ACSM2A: variants seen among roughly 807,000 people sequenced by gnomAD.
ACSM2A encodes acyl-CoA synthetase medium chain family member 2A.
ACSM2A carries 72 observed loss-of-function variants against 76.6 expected under a neutral mutation model. The observed-to-expected ratio is 0.94, with a 90% CI of 0.78 to 1.14. The LOEUF (loss-of-function observed/expected upper bound fraction) is 1.14, where lower values mean the gene tolerates loss of function less well. Ranked by LOEUF, ACSM2A falls within the 50% of genes most tolerant of loss-of-function variation. The pLI is 0.00. For synonymous variants in ACSM2A, 249 were observed against 255.9 expected (o/e 0.97, Z 0.26); for missense variants, 684 against 708.5 (o/e 0.97, Z 0.39).
chr16:20,467,318 GA>G (rs1159781507), intron 3 of ACSM2A, among the ~76,000 whole-genome samples: 4 of 151,746 alleles, frequency 2.6e-5, no homozygotes, highest in Non-Finnish European at 5.9e-5. Flanking sequence ...TGGTGAATGG[GA>G]AATGATTGAT....
At chr16:20,475,836 C>G in intron 8 of ACSM2A, 63 bp downstream of exon 8, 1 of 1,597,420 alleles carries the variant, frequency 6.3e-7, no homozygotes, top group Non-Finnish European at 8.5e-7. Context: ...TTCTCTTTGA[C>G]AATAAAAATT....
chr16:20,486,003 GC>G (rs1460644106), intron 13 of ACSM2A, among the ~76,000 whole-genome samples: 1 of 152,166 alleles, frequency 6.6e-6, no homozygotes, highest in Non-Finnish European at 1.5e-5. Context: ...TTATAGTTTT[GC>G]TTAGGGTACA....
chr16:20,469,122 A>T (rs10153227), intron 3 of ACSM2A, among the ~76,000 whole-genome samples: 40,417 of 152,016 alleles, frequency 0.27, 6,088 homozygotes, highest in East Asian at 0.59. Context: ...GTGTTTCAAG[A>T]CCATGGACAG....
intron 1 of ACSM2A, among the ~76,000 whole-genome samples, chr16:20,454,859 C>A (rs907871123): frequency 4.0e-5 from 6 of 149,648 alleles, no homozygotes; most frequent in Non-Finnish European, 8.9e-5. Flanking sequence ...AATTATTAAG[C>A]TAATCAAAGA....
Position 20,478,596 on chromosome 16 carries a change from C to T in ACSM2A, c.1200C>T (p.Asn400=), listed in dbSNP as rs766707312. ...TCCAGATCATAGATGATAAGGGCAA[C>T]GTCCTGCCCCCCGGCACAGAAGGAG... is the stretch of plus-strand genomic sequence containing the variant. The part of the protein sequence containing the change: ...YDVQIIDDKG[N]VLPPGTEGDI... The change falls in exon 10 of 14, where the codon AAC becomes AAT. Residue 400 remains asparagine, a synonymous_variant. Transcript: ENST00000573854. The T allele has an allele frequency of 1.1e-5, 17 of 1,613,660 alleles. No individual in the cohort carries two copies. The Admixed American group carries it at 1.3e-4, about 13-fold the overall frequency.
In ACSM2A at chr16:20,456,986, C is replaced by A. The variant is rs2012210916; in HGVS notation, c.-8-3121C>A. Among the ~76,000 whole-genome samples, 3 of 150,404 alleles carry A rather than the reference C, an allele frequency of 2.0e-5. No individual in the cohort carries two copies. In the South Asian group the frequency reaches 6.2e-4, roughly 31 times the overall value. ...AAATGGGAGATATTACAACCGACAC[C>A]ACAGAAATACAAAAGATCATTCAAG... On this transcript the variant is annotated intron_variant, in intron 1 of 13. Transcript: ENST00000573854.
At chr16:20,477,608 T>C (rs972790049) in intron 9 of ACSM2A, among the ~76,000 whole-genome samples, 159 bp downstream of exon 9, 1 of 150,174 alleles carries the variant, frequency 6.7e-6, no homozygotes. Flanking sequence ...AAGGAAAGAG[T>C]GAGGGAAGGA....
chr16:20,475,041 G>A (rs183362481), intron 6 of ACSM2A, among the ~76,000 whole-genome samples: 3 of 152,232 alleles, frequency 2.0e-5, no homozygotes, highest in African/African-American at 7.2e-5. Flanking sequence ...TAGTTGCTGG[G>A]GGGTGATCTA....
intron 10 of ACSM2A, 137 bp downstream of exon 10, chr16:20,478,814 A>G: frequency 8.1e-7 from 1 of 1,234,088 alleles, no homozygotes; most frequent in Middle Eastern, 2.9e-4. Flanking sequence ...TCAAGAATGT[A>G]TGCTTTGCCA....
intron 1 of ACSM2A, among the ~76,000 whole-genome samples, chr16:20,458,549 A>G (rs2012348963): frequency 6.9e-6 from 1 of 144,906 alleles, no homozygotes; most frequent in African/African-American, 2.5e-5. Flanking sequence ...AATGTATAAT[A>G]CCCATATATT....
At chr16:20,459,188 G>A (rs983029390) in intron 1 of ACSM2A, among the ~76,000 whole-genome samples, 6 of 151,814 alleles carry the variant, frequency 4.0e-5, no homozygotes, top group Non-Finnish European at 5.9e-5. Context: ...GGTACAAAGT[G>A]GGTTAAGTGT....
intron 3 of ACSM2A, among the ~76,000 whole-genome samples, chr16:20,468,659 C>T (rs754674032): frequency 2.7e-4 from 41 of 152,098 alleles, no homozygotes; most frequent in Non-Finnish European, 4.7e-4. Flanking sequence ...CATACCTGGC[C>T]CTAAGTCTAG....
At chr16:20,458,452 T>C (rs2012340075) in intron 1 of ACSM2A, among the ~76,000 whole-genome samples, 1 of 145,698 alleles carries the variant, frequency 6.9e-6, no homozygotes, top group Admixed American at 7.0e-5. Context: ...TAACTATTTA[T>C]AATATAATAT....
At chr16:20,464,979 T>C (rs1388655007) in intron 2 of ACSM2A, among the ~76,000 whole-genome samples, 1 of 150,994 alleles carries the variant, frequency 6.6e-6, no homozygotes, top group African/African-American at 2.4e-5. Flanking sequence ...AGTAAATAGA[T>C]AGAGATACAT....
chr16:20,477,731 G>A (rs2013835160), intron 9 of ACSM2A, among the ~76,000 whole-genome samples: 1 of 152,064 alleles, frequency 6.6e-6, no homozygotes, highest in South Asian at 2.1e-4. Flanking sequence ...AACAGAAATG[G>A]GGTGAATCTT....
At chr16:20,453,040 A>C (rs1567353104) in intron 1 of ACSM2A, among the ~76,000 whole-genome samples, 1 of 152,060 alleles carries the variant, frequency 6.6e-6, no homozygotes, top group Non-Finnish European at 1.5e-5. Context: ...CTTCAGAAGC[A>C]GATACTGAGC....
intron 13 of ACSM2A, among the ~76,000 whole-genome samples, chr16:20,485,811 T>A (rs2014353547): frequency 6.6e-6 from 1 of 152,224 alleles, no homozygotes; most frequent in African/African-American, 2.4e-5. Context: ...AAGGGTTAAT[T>A]TTTATTAATT....
chr16:20,479,375 TA>T lies in ACSM2A; in HGVS notation c.1281+701del, dbSNP rs2013955926. 1.1e-4 allele frequency among the ~76,000 whole-genome samples: 16 copies of T among 152,342 alleles called. No individual in the cohort carries two copies. The South Asian group carries it at 3.3e-3, about 32-fold the overall frequency. On this transcript the variant is annotated intron_variant, in intron 10 of 13. Coordinates refer to ENST00000573854, the MANE Select transcript of ACSM2A (RefSeq NM_001308172.2). ...TTGTCCTATAAACACATTTAATCTT[TA>T]AACTTTAAACTCATTTAAACTTTAA...
intron 8 of ACSM2A, chr16:20,476,438 C>T: frequency 1.0e-6 from 1 of 985,518 alleles, no homozygotes; most frequent in Non-Finnish European, 1.2e-6. Flanking sequence ...CCTTCTTTGG[C>T]TAATGAGTAC....
Sources: allele counts gnomAD v4.1 joint callset (sites outside exome capture counted in the v4.1 genomes callset), GRCh38; gene constraint gnomAD v4.1.1; transcripts MANE v1.5; gene names NCBI Gene and HGNC (gene_info 2026-07-23, HGNC 2026-07-21).